CAPN10: variants seen among roughly 807,000 people sequenced by gnomAD.
CAPN10 encodes the protein calpain 10.
In CAPN10, 71 loss-of-function variants were observed where a neutral mutation model predicts 78.4. The ratio of observed to expected loss-of-function variants is 0.91; its 90% CI spans 0.75 to 1.10. The LOEUF is 1.10. Among genes scored for constraint, CAPN10 ranks in the 50% least tolerant of loss-of-function variants. CAPN10 has a pLI of 0.00. For missense variants in CAPN10, 849 were observed against 924.6 expected (o/e 0.92, Z 1.06); for synonymous variants, 437 against 407.2 (o/e 1.07, Z -0.88).
At chr2:240,587,109 TCG>T in intron 1 of CAPN10, 57 bp downstream of exon 1, 1 of 1,155,314 alleles carries the variant, frequency 8.7e-7, no homozygotes. Flanking sequence ...TCTCCGCTCC[TCG>T]CAGGGAGCGG....
chr2:240,594,628 G>A lies in CAPN10; in HGVS notation c.916G>A (p.Glu306Lys), dbSNP rs1372121584. Reference protein sequence around the residue: ...LQEGEFWVEEEEFLREFDELT... With the variant: ...LQEGEFWVEEKEFLREFDELT... ...GGAAGGGGAGTTCTGGGTGGAGGAG[G>A]AGGAGTTCCTCAGGGAGTTTGACGA... The change falls in exon 6 of 12, where the codon GAG becomes AAG. Residue 306 changes from glutamate to lysine, a missense_variant. Coordinates refer to ENST00000391984, the MANE Select transcript of CAPN10 (RefSeq NM_023083.4). 1 of 1,613,900 alleles carries A rather than the reference G, an allele frequency of 6.2e-7. No homozygotes were observed. The highest frequency in any genetic ancestry group is 8.5e-7 in the Non-Finnish European group (1 of 1,180,000).
chr2:240,597,923 A>G lies in CAPN10; in HGVS notation c.1779A>G (p.Pro593=), dbSNP rs773687125. 1.2e-6 allele frequency: 2 copies of G among 1,611,194 alleles called. No homozygotes were observed. The highest frequency in any genetic ancestry group is 2.2e-5 in the East Asian group (1 of 44,762). Residue 593 remains proline (P), a synonymous_variant, in exon 10 of 12, where the codon CCA becomes CCG. Coordinates refer to ENST00000391984, the MANE Select transcript of CAPN10 (RefSeq NM_023083.4). ...GTGGAAGGAGCCAGGACGCACCCCC[A>G]CTGCTGCTGCAGGAGCCGCTGCTGA... ...PEGGRSQDAP[P]LLLQEPLLSC... is the part of the protein sequence containing the mutation.
chr2:240,591,813 AG>A, intron 3 of CAPN10, 119 bp from the exon 4 acceptor site: 1 of 789,274 alleles, frequency 1.3e-6, no homozygotes, highest in Non-Finnish European at 2.1e-6. Context: ...GGCAGAGGGG[AG>A]TAAAGAGGTG....
Position 240,598,733 on chromosome 2 carries a change from G to C in CAPN10, c.*53G>C. On this transcript the variant is annotated 3_prime_UTR_variant, in exon 12 of 12. Coordinates refer to ENST00000391984, the MANE Select transcript of CAPN10 (RefSeq NM_023083.4). Reference sequence around the variant, plus strand: ...TGACTGGAGCCCGAGGGCCTGACAGGTTCCCAGCAGCTGGGCCGGCCAGCC... The same window carrying C: ...TGACTGGAGCCCGAGGGCCTGACAGCTTCCCAGCAGCTGGGCCGGCCAGCC... 6.6e-7 allele frequency: 1 copy of C among 1,520,250 alleles called. No homozygotes were observed. Among genetic ancestry groups the C allele is most frequent in the Non-Finnish European group, 8.9e-7 (1 of 1,117,338 alleles). The allele number at this position is 1,520,250 out of a possible 1,614,324, so 94.2% of individuals were successfully genotyped here. A position where few individuals can be genotyped will look rare whatever the true frequency, so the allele number is the denominator to read the frequency against.
chr2:240,591,365 G>C, intron 3 of CAPN10: 1 of 264,712 alleles, frequency 3.8e-6, no homozygotes, highest in Non-Finnish European at 7.2e-6. Flanking sequence ...TTGTGTAGTC[G>C]TTGGGGAGGA....
At chr2:240,598,576 C>T in intron 11 of CAPN10, 75 bp from the exon 12 acceptor site, 1 of 1,515,664 alleles carries the variant, frequency 6.6e-7, no homozygotes, top group Admixed American at 1.9e-5. Context: ...CGTCCCATTC[C>T]CTGGCTGCAC....
chr2:240,590,619 G>A (rs1193331193), intron 2 of CAPN10, 196 bp from the exon 3 acceptor site: 2 of 567,306 alleles, frequency 3.5e-6, no homozygotes, highest in East Asian at 5.7e-5. Context: ...CGACATCCAG[G>A]TGTGCCGTAG....
At chr2:240,587,164 C>G in intron 1 of CAPN10, 112 bp downstream of exon 1, 1 of 540,782 alleles carries the variant, frequency 1.8e-6, no homozygotes, top group South Asian at 4.4e-5. Context: ...CAGGGTCCGC[C>G]GTTGTTCTCC....
Position 240,596,492 on chromosome 2 carries a change from A to C in CAPN10, c.1452A>C (p.Arg484=). The change falls in exon 8 of 12, where the codon CGA becomes CGC. Residue 484 remains arginine (R), a synonymous_variant. Coordinates refer to ENST00000391984, the MANE Select transcript of CAPN10 (RefSeq NM_023083.4). The part of the protein sequence containing the change: ...LKDAPGEFLL[R]VFSTGRVSLS... ...ACGCGCCAGGGGAGTTCCTGCTCCG[A>C]GTCTTCTCTACCGGGCGAGTCTCCC... is the stretch of plus-strand genomic sequence containing the variant. The C allele has an allele frequency of 6.2e-7, 1 of 1,611,190 alleles. No individual in the cohort carries two copies. Among genetic ancestry groups the C allele is most frequent in the East Asian group, 2.2e-5 (1 of 44,766 alleles).
intron 4 of CAPN10, chr2:240,592,652 A>C (rs1471685584): frequency 2.7e-6 from 1 of 364,540 alleles, no homozygotes; most frequent in Non-Finnish European, 5.6e-6. Flanking sequence ...CTCTACAAAA[A>C]ATGAAGGAAA....
chr2:240,598,913 G>A lies in CAPN10; in HGVS notation c.*233G>A. 1 of 582,432 alleles carries A rather than the reference G, an allele frequency of 1.7e-6. No individual in the cohort carries two copies. Among genetic ancestry groups the A allele is most frequent in the Non-Finnish European group, 3.1e-6 (1 of 321,666 alleles). The allele number at this position is 582,432 out of a possible 1,614,324, so 36.1% of individuals were successfully genotyped here. ...AAGGGTGGGAAGCTTGCTGGCTTCTGTTGCGCCACTGAGACGGCAGAGACC... is the reference window on the plus strand; with the variant it reads ...AAGGGTGGGAAGCTTGCTGGCTTCTATTGCGCCACTGAGACGGCAGAGACC... On this transcript the variant is annotated 3_prime_UTR_variant, in exon 12 of 12. Transcript: ENST00000391984.
chr2:240,596,630 G>T (rs553967526), intron 8 of CAPN10, 51 bp from the exon 9 acceptor site: 27 of 1,531,838 alleles, frequency 1.8e-5, no homozygotes, highest in Non-Finnish European at 2.3e-5. Flanking sequence ...TGGGAACTGA[G>T]GCCACCGGGA....
chr2:240,598,884 A>G lies in CAPN10; in HGVS notation c.*204A>G, dbSNP rs1575454301. 2 of 602,828 alleles carry G rather than the reference A, an allele frequency of 3.3e-6. No homozygotes were observed. The highest frequency in any genetic ancestry group is 3.7e-5 in the African/African-American group (2 of 53,718). 37.3% of individuals were successfully genotyped at this position (602,828 alleles called of 1,614,324 possible). On this transcript the variant is annotated 3_prime_UTR_variant, in exon 12 of 12. Coordinates refer to ENST00000391984, the MANE Select transcript of CAPN10 (RefSeq NM_023083.4). ...AGCCCTGGGGGCCAGCTGGTGCTGC[A>G]AGGAAGGGTGGGAAGCTTGCTGGCT... is the stretch of plus-strand genomic sequence containing the variant.
chr2:240,596,159 A>C (rs1180559622), intron 7 of CAPN10, 160 bp from the exon 8 acceptor site: 12 of 1,493,614 alleles, frequency 8.0e-6, no homozygotes, highest in Middle Eastern at 2.4e-4. Context: ...ATTGGTGGGC[A>C]TCTCTAGCTG....
At chr2:240,596,009 A>C in intron 7 of CAPN10, 3 of 1,445,816 alleles carry the variant, frequency 2.1e-6, no homozygotes, top group Non-Finnish European at 9.3e-7. Context: ...TCCTCTTGCA[A>C]AAGAAGTTGC....
intron 3 of CAPN10, chr2:240,591,406 G>A (rs1007128727): frequency 3.0e-5 from 7 of 235,662 alleles, no homozygotes; most frequent in Non-Finnish European, 5.8e-5. Context: ...CAACACTTGT[G>A]TATCACGGTG....
intron 9 of CAPN10, among the ~76,000 whole-genome samples, chr2:240,597,382 C>T (rs2093143711): frequency 6.6e-6 from 1 of 152,178 alleles, no homozygotes; most frequent in Admixed American, 6.5e-5. Context: ...AGTCCACAGT[C>T]ACTGAGCTCA....
intron 9 of CAPN10, among the ~76,000 whole-genome samples, chr2:240,597,377 A>G (rs1030016870): frequency 3.9e-5 from 6 of 152,178 alleles, no homozygotes; most frequent in African/African-American, 1.4e-4. Flanking sequence ...GAGGAAGTCC[A>G]CAGTCACTGA....
rs1241968339 is a variant in CAPN10, at chr2:240,588,074, G to T, written c.141+1022G>T. 2.6e-5 allele frequency among the ~76,000 whole-genome samples: 4 copies of T among 152,158 alleles called. No individual in the cohort carries two copies. In the East Asian group the frequency reaches 7.7e-4, roughly 29 times the overall value. On this transcript the variant is annotated intron_variant, in intron 1 of 11. Coordinates refer to ENST00000391984, the MANE Select transcript of CAPN10 (RefSeq NM_023083.4). ...GATCGAGAGGCCATAGTGACTGATT[G>T]AAATAGAGGGTGAGGATAGTGGAGG... is the stretch of plus-strand genomic sequence containing the variant.
Sources: allele counts gnomAD v4.1 joint callset (sites outside exome capture counted in the v4.1 genomes callset), GRCh38; gene constraint gnomAD v4.1.1; transcripts MANE v1.5; gene names NCBI Gene and HGNC (gene_info 2026-07-23, HGNC 2026-07-21).